LOC400499: variants seen among roughly 807,000 people sequenced by gnomAD.
At chr16:11,484,519 C>G in the LOC400499 span, among the ~76,000 whole-genome samples, 1 of 152,046 alleles carries the variant, frequency 6.6e-6, no homozygotes, top group Non-Finnish European at 1.5e-5. Flanking sequence ...TGCCAGAAGT[C>G]AGAAGAGTGG....
chr16:11,479,398 A>G, the LOC400499 span, among the ~76,000 whole-genome samples: 6 of 152,008 alleles, frequency 3.9e-5, no homozygotes. Context: ...GGATCGCTTG[A>G]GGCCAGGAGT....
the LOC400499 span, among the ~76,000 whole-genome samples, chr16:11,401,692 G>T: frequency 6.6e-6 from 1 of 152,212 alleles, no homozygotes; most frequent in Non-Finnish European, 1.5e-5. Context: ...CCCCGGGCAG[G>T]TCACTGCACC....
At chr16:11,518,898 A>G in the LOC400499 span, 1 of 398,910 alleles carries the variant, frequency 2.5e-6, no homozygotes, top group Non-Finnish European at 4.4e-6. Context: ...CAAGTGTCTT[A>G]CCTCAGGCTC....
the LOC400499 span, among the ~76,000 whole-genome samples, chr16:11,504,939 A>G: frequency 6.6e-6 from 1 of 152,080 alleles, no homozygotes; most frequent in Admixed American, 6.6e-5. Flanking sequence ...AAAAAATTGT[A>G]ATAACAACTA....
chr16:11,450,464 T>C, the LOC400499 span: 1 of 716,968 alleles, frequency 1.4e-6, no homozygotes, highest in Non-Finnish European at 2.3e-6. Context: ...TAAACTCTGA[T>C]AGTTGCAGGC....
the LOC400499 span, among the ~76,000 whole-genome samples, chr16:11,426,356 A>T: frequency 5.9e-5 from 9 of 152,104 alleles, no homozygotes; most frequent in East Asian, 1.8e-3. Context: ...GACTCGCTTG[A>T]AACTGGGAGG....
chr16:11,393,164 C>CCCTTT, the LOC400499 span, among the ~76,000 whole-genome samples: 157 of 115,108 alleles, frequency 1.4e-3, no homozygotes, highest in Middle Eastern at 5.0e-3. Context: ...ACCCCCCCCC[C>CCCTTT]TTTTTTTTAA....
At chr16:11,495,398 TA>T in the LOC400499 span, among the ~76,000 whole-genome samples, 1 of 147,982 alleles carries the variant, frequency 6.8e-6, no homozygotes, top group African/African-American at 2.5e-5. Flanking sequence ...TTTTTTTTTT[TA>T]AGATGGAGTC....
chr16:11,498,385 G>C, the LOC400499 span, among the ~76,000 whole-genome samples: 1 of 152,160 alleles, frequency 6.6e-6, no homozygotes, highest in South Asian at 2.1e-4. Flanking sequence ...AGGAGGCTGA[G>C]GCACGAGAAT....
At chr16:11,447,460 T>C in the LOC400499 span, among the ~76,000 whole-genome samples, 2 of 152,102 alleles carry the variant, frequency 1.3e-5, no homozygotes, top group Admixed American at 1.3e-4. Context: ...GCTCAATGAA[T>C]GTAAATGGGA....
chr16:11,505,598 C>A, the LOC400499 span, among the ~76,000 whole-genome samples: 2 of 151,504 alleles, frequency 1.3e-5, no homozygotes, highest in African/African-American at 2.4e-5. Flanking sequence ...CGACCACAGG[C>A]ACGTACCACC....
chr16:11,374,915 C>T, the LOC400499 span, among the ~76,000 whole-genome samples: 2 of 152,160 alleles, frequency 1.3e-5, no homozygotes, highest in Admixed American at 1.3e-4. Context: ...GTGGTGCGAT[C>T]TTAGCTCACT....
At chr16:11,505,845 T>C in the LOC400499 span, among the ~76,000 whole-genome samples, 127 of 152,220 alleles carry the variant, frequency 8.3e-4, 1 homozygote, top group African/African-American at 2.9e-3. Context: ...AATTGCGATA[T>C]CCATCACCGT....
chr16:11,515,964 AGCGTCCCCTGC>A, the LOC400499 span: 1 of 391,058 alleles, frequency 2.6e-6, no homozygotes, highest in South Asian at 1.3e-4. Context: ...TGGAGTGATG[AGCGTCCCCTGC>A]GCAGGGAGCA....
chr16:11,450,881 A>T, the LOC400499 span: 5 of 1,449,582 alleles, frequency 3.4e-6, no homozygotes, highest in Non-Finnish European at 3.7e-6. Flanking sequence ...TCTAGCAGGC[A>T]GCTGGAGGTC....
the LOC400499 span, chr16:11,407,323 C>A: frequency 2.5e-6 from 1 of 397,136 alleles, no homozygotes; most frequent in South Asian, 1.3e-4. Flanking sequence ...GAACCTCACC[C>A]TTGGAGTAGT....
chr16:11,459,624 A>G, the LOC400499 span, among the ~76,000 whole-genome samples: 1 of 152,168 alleles, frequency 6.6e-6, no homozygotes, highest in African/African-American at 2.4e-5. Context: ...GAAAGACTAA[A>G]AGCGAACCGC....
At chr16:11,477,432 G>A in the LOC400499 span, among the ~76,000 whole-genome samples, 7 of 152,172 alleles carry the variant, frequency 4.6e-5, no homozygotes, top group Admixed American at 3.9e-4. Context: ...CAGTGTCCTC[G>A]CCTTGAACCT....
At chr16:11,374,976 A>C in the LOC400499 span, among the ~76,000 whole-genome samples, 1 of 151,682 alleles carries the variant, frequency 6.6e-6, no homozygotes, top group African/African-American at 2.4e-5. Context: ...AGCCTCCCAA[A>C]TAGCTGGGAT....
Sources: allele counts gnomAD v4.1 joint callset (sites outside exome capture counted in the v4.1 genomes callset), GRCh38; gene constraint gnomAD v4.1.1; transcripts MANE v1.5.